The following SEMA3D variants were observed in gnomAD, a reference collection of about 807,000 sequenced individuals.
SEMA3D encodes the protein semaphorin-3D.
In SEMA3D, 84 loss-of-function variants were observed where a neutral mutation model predicts 100.1. The observed-to-expected ratio is 0.84, with a 90% CI of 0.70 to 1.01. The LOEUF (loss-of-function observed/expected upper bound fraction) is 1.01. SEMA3D is among the 50% of genes least tolerant of loss of function. SEMA3D has a pLI of 0.00. For synonymous variants in SEMA3D, 312 were observed against 320.7 expected (o/e 0.97, Z 0.29); for missense variants, 875 against 934.1 (o/e 0.94, Z 0.82).
At chr7:85,033,196 C>T (rs1790593233) in intron 12 of SEMA3D, among the ~76,000 whole-genome samples, 1 of 152,102 alleles carries the variant, frequency 6.6e-6, no homozygotes, top group African/African-American at 2.4e-5. Flanking sequence ...AAGACAATTT[C>T]TTACAGCATA....
the SEMA3D span, among the ~76,000 whole-genome samples, chr7:85,196,763 G>A: frequency 6.6e-6 from 1 of 152,018 alleles, no homozygotes; most frequent in East Asian, 1.9e-4. Flanking sequence ...AGTGATCAAG[G>A]AAATGCAAAT....
intron 5 of SEMA3D, among the ~76,000 whole-genome samples, chr7:85,077,321 T>G (rs1791955353): frequency 6.6e-6 from 1 of 151,876 alleles, no homozygotes; most frequent in Non-Finnish European, 1.5e-5. Context: ...ATACATCAAA[T>G]AAGGTAACTG....
rs1392876250 is a variant in SEMA3D, at chr7:85,170,277, T to C, written c.-173+16401A>G. Among the ~76,000 whole-genome samples the C allele has an allele frequency of 2.0e-5, 3 of 151,914 alleles. No homozygotes were observed. In the East Asian group the frequency reaches 5.8e-4, roughly 29 times the overall value. On this transcript the variant is annotated intron_variant, in intron 1 of 18. Transcript: ENST00000284136. Reference sequence around the variant, plus strand: ...CCTGTACAAACCTATTTTCTGTATCTCATTATTTTAGTAGTCTGAAACAGT... The same window carrying C: ...CCTGTACAAACCTATTTTCTGTATCCCATTATTTTAGTAGTCTGAAACAGT...
rs1790155125 is a variant in SEMA3D at position 85,018,139 on chromosome 7, T to G, written c.1545+113A>C. 4 of 729,228 alleles carry G rather than the reference T, an allele frequency of 5.5e-6. No individual in the cohort carries two copies. In the East Asian group the frequency reaches 1.1e-4, roughly 20 times the overall value. 45.2% of individuals were successfully genotyped at this position (729,228 alleles called of 1,614,324 possible). A position where few individuals can be genotyped will look rare whatever the true frequency, so the allele number is the denominator to read the frequency against. ...AATTACAAGAGAAACAAATAATGTT[T>G]TAAATTTCTTAAAATTTAACTCCCA... On this transcript the variant is annotated intron_variant, in intron 15 of 18. Coordinates refer to ENST00000284136, the MANE Select transcript of SEMA3D (RefSeq NM_001384900.1).
At chr7:85,123,346 T>C (rs1789480945) in intron 2 of SEMA3D, among the ~76,000 whole-genome samples, 1 of 152,146 alleles carries the variant, frequency 6.6e-6, no homozygotes, top group Non-Finnish European at 1.5e-5. Flanking sequence ...TGGTGATAGC[T>C]TTGATCATAA....
At chr7:85,018,120 A>G in intron 15 of SEMA3D, 132 bp downstream of exon 15, 1 of 690,864 alleles carries the variant, frequency 1.4e-6, no homozygotes, top group Non-Finnish European at 2.6e-6. Context: ...AATGAATTAC[A>G]AGAGAAACAA....
the SEMA3D span, among the ~76,000 whole-genome samples, chr7:85,220,687 A>G: frequency 6.6e-6 from 1 of 152,106 alleles, no homozygotes; most frequent in Non-Finnish European, 1.5e-5. Context: ...CAACTCTGAA[A>G]AAGACTACAA....
Position 84,998,982 on chromosome 7 carries a change from C to G in SEMA3D, c.*458G>C, listed in dbSNP as rs1789575894. The G allele has an allele frequency of 6.3e-6, 1 of 159,256 alleles. No individual in the cohort carries two copies. The highest frequency in any genetic ancestry group is 2.4e-5 in the African/African-American group (1 of 41,462). 9.9% of individuals were successfully genotyped at this position (159,256 alleles called of 1,614,324 possible). ...TAATGGGAGTTGTCTTAATTTGTGT[C>G]TGACCTCTTATTCCCTACCACAAGG... On this transcript the variant is annotated 3_prime_UTR_variant, in exon 19 of 19. Transcript: ENST00000284136.
chr7:85,225,168 T>TGTA, the SEMA3D span, among the ~76,000 whole-genome samples: 102 of 141,218 alleles, frequency 7.2e-4, no homozygotes, highest in African/African-American at 2.6e-3. Context: ...AATAAATATA[T>TGTA]ATATAAAATA....
At chr7:85,225,383 G>A in the SEMA3D span, among the ~76,000 whole-genome samples, 2 of 150,624 alleles carry the variant, frequency 1.3e-5, no homozygotes, top group African/African-American at 4.9e-5. Context: ...GTGATATGGG[G>A]CACAGTAAGA....
the SEMA3D span, among the ~76,000 whole-genome samples, chr7:85,235,496 T>G: frequency 6.6e-6 from 1 of 152,214 alleles, no homozygotes; most frequent in African/African-American, 2.4e-5. Context: ...GAATTATTAT[T>G]TCTCAGAGGG....
chr7:85,208,756 T>C, the SEMA3D span, among the ~76,000 whole-genome samples: 1 of 152,034 alleles, frequency 6.6e-6, no homozygotes, highest in Non-Finnish European at 1.5e-5. Context: ...GCAAAGACAG[T>C]AGGTAAGTTA....
chr7:85,166,244 T>C (rs1331942021), intron 1 of SEMA3D, among the ~76,000 whole-genome samples: 1 of 152,052 alleles, frequency 6.6e-6, no homozygotes, highest in Non-Finnish European at 1.5e-5. Context: ...ACGATGTTGA[T>C]CTTACCAAAT....
chr7:85,020,837 T>C (rs1790234452), intron 13 of SEMA3D, among the ~76,000 whole-genome samples: 3 of 151,718 alleles, frequency 2.0e-5, no homozygotes, highest in Admixed American at 2.0e-4. Flanking sequence ...ACTCTTCAAA[T>C]GTATTCTATC....
At chr7:85,219,347 T>C in the SEMA3D span, among the ~76,000 whole-genome samples, 1 of 152,120 alleles carries the variant, frequency 6.6e-6, no homozygotes, top group Non-Finnish European at 1.5e-5. Context: ...GTGCCCTTAA[T>C]GTATTACAGC....
intron 12 of SEMA3D, among the ~76,000 whole-genome samples, chr7:85,025,497 G>C (rs1434417802): frequency 2.6e-5 from 4 of 151,936 alleles, no homozygotes; most frequent in Admixed American, 2.6e-4. Context: ...GGAAGCAATG[G>C]ATAAGAGGAG....
Position 84,996,403 on chromosome 7 carries a change from CTT to C in SEMA3D, c.*3035_*3036del, listed in dbSNP as rs1789501488. 1 of 151,986 alleles carries C rather than the reference CTT, an allele frequency of 6.6e-6. No homozygotes were observed. The highest frequency in any genetic ancestry group is 2.4e-5 in the African/African-American group (1 of 41,436). 9.4% of individuals were successfully genotyped at this position (151,986 alleles called of 1,614,324 possible). The stretch of plus-strand genomic sequence containing the variant: ...TATTTTAGCCAACAGAATGATGAGA[CTT>C]TATGAATTTTAATTCTTCCACTACT... On this transcript the variant is annotated 3_prime_UTR_variant, in exon 19 of 19. Transcript: ENST00000284136.
At chr7:85,161,381 T>C (rs1323117849) in intron 1 of SEMA3D, among the ~76,000 whole-genome samples, 18 of 152,108 alleles carry the variant, frequency 1.2e-4, no homozygotes, top group Non-Finnish European at 1.5e-5. Flanking sequence ...ATATAAAATA[T>C]ATAAATAACA....
At chr7:85,073,436 G>T (rs1791832744) in intron 5 of SEMA3D, among the ~76,000 whole-genome samples, 1 of 150,740 alleles carries the variant, frequency 6.6e-6, no homozygotes, top group Non-Finnish European at 1.5e-5. Flanking sequence ...TTTTTTTAGA[G>T]ATGACACCTC....
Sources: gnomAD v4.1 joint callset for allele counts (sites outside exome capture counted in the v4.1 genomes callset) on GRCh38, gnomAD v4.1.1 for gene constraint, MANE v1.5 for transcripts, NCBI Gene and HGNC (gene_info 2026-07-23, HGNC 2026-07-21) for gene names.